Variants in ZCCHC7 observed in about 807,000 individuals in gnomAD.
ZCCHC7 encodes the protein zinc finger CCHC-type containing 7.
ZCCHC7 carries 35 observed loss-of-function variants against 52.0 expected under a neutral mutation model. That is an observed-to-expected ratio of 0.67 (90% CI 0.51 to 0.89). The LOEUF (loss-of-function observed/expected upper bound fraction) is 0.89, where lower values mean the gene tolerates loss of function less well. ZCCHC7 is among the 40% of genes least tolerant of loss of function. ZCCHC7 has a pLI of 0.00. For missense variants in ZCCHC7, 574 were observed against 649.1 expected, an observed-to-expected ratio of 0.88 and a Z score of 1.26; for synonymous variants, 217 against 221.5, an observed-to-expected ratio of 0.98 and a Z score of 0.18.
intron 2 of ZCCHC7, among the ~76,000 whole-genome samples, chr9:37,211,456 C>T (rs1824208890): frequency 6.6e-6 from 1 of 152,106 alleles, no homozygotes; most frequent in African/African-American, 2.4e-5. Context: ...TTTCTTCCAT[C>T]TTTATCATCA....
At chr9:37,333,161 A>T in intron 6 of ZCCHC7, among the ~76,000 whole-genome samples, 1 of 151,646 alleles carries the variant, frequency 6.6e-6, no homozygotes, top group African/African-American at 2.4e-5. Context: ...TTATGATGGT[A>T]ATCCTAATGT....
intron 2 of ZCCHC7, among the ~76,000 whole-genome samples, chr9:37,299,262 G>A (rs935641655): frequency 6.6e-6 from 1 of 152,170 alleles, no homozygotes; most frequent in Admixed American, 6.5e-5. Flanking sequence ...TCTTTAAGGC[G>A]AATTACCTTG....
At chr9:37,306,933 G>T (rs887879735) in intron 5 of ZCCHC7, among the ~76,000 whole-genome samples, 1 of 150,600 alleles carries the variant, frequency 6.6e-6, no homozygotes, top group African/African-American at 2.4e-5. Context: ...GATTACAGGC[G>T]CCCACCACCA....
intron 5 of ZCCHC7, among the ~76,000 whole-genome samples, chr9:37,318,378 T>C (rs1290690605): frequency 6.7e-6 from 1 of 150,268 alleles, no homozygotes; most frequent in African/African-American, 2.4e-5. Context: ...GGAGAATCGC[T>C]TGAAACTGGG....
chr9:37,226,311 C>T (rs772585844), intron 2 of ZCCHC7, among the ~76,000 whole-genome samples: 6 of 152,082 alleles, frequency 3.9e-5, no homozygotes, highest in Non-Finnish European at 8.8e-5. Flanking sequence ...AGAGTTATAT[C>T]ATGTTCATGG....
chr9:37,143,337 A>G (rs1380255528), intron 2 of ZCCHC7, among the ~76,000 whole-genome samples: 30 of 151,852 alleles, frequency 2.0e-4, no homozygotes. Context: ...TAAGCCAATG[A>G]TGGTAAAATT....
At chr9:37,286,438 A>G (rs1828209981) in intron 2 of ZCCHC7, among the ~76,000 whole-genome samples, 1 of 152,144 alleles carries the variant, frequency 6.6e-6, no homozygotes, top group East Asian at 1.9e-4. Flanking sequence ...AGGGTGGATC[A>G]CTTGAAATCA....
At chr9:37,193,834 C>G (rs968064636) in intron 2 of ZCCHC7, among the ~76,000 whole-genome samples, 1 of 152,180 alleles carries the variant, frequency 6.6e-6, no homozygotes. Context: ...ATTTCTTTCT[C>G]CCTCTTTCCT....
chr9:37,162,925 G>A (rs931076387), intron 2 of ZCCHC7, among the ~76,000 whole-genome samples: 6 of 151,966 alleles, frequency 3.9e-5, no homozygotes, highest in Non-Finnish European at 2.9e-5. Flanking sequence ...AATACAGGCC[G>A]GGTACTGTGG....
chr9:37,326,480 G>A (rs1028610476), intron 5 of ZCCHC7, among the ~76,000 whole-genome samples: 19 of 150,154 alleles, frequency 1.3e-4, no homozygotes, highest in African/African-American at 3.9e-4. Context: ...AGAAAGCTGT[G>A]TAGACTGCTT....
chr9:37,235,881 C>T (rs1203736089), intron 2 of ZCCHC7, among the ~76,000 whole-genome samples: 2 of 151,818 alleles, frequency 1.3e-5, no homozygotes, highest in Non-Finnish European at 2.9e-5. Flanking sequence ...AGCCACCGCA[C>T]CTGGCCCTTA....
At chr9:37,272,408 A>G (rs1478064990) in intron 2 of ZCCHC7, among the ~76,000 whole-genome samples, 1 of 151,748 alleles carries the variant, frequency 6.6e-6, no homozygotes, top group Non-Finnish European at 1.5e-5. Context: ...TAAAACGTGT[A>G]AGAAAAATTA....
Position 37,341,964 on chromosome 9 carries a change from G to C in ZCCHC7, c.988-7393G>C, listed in dbSNP as rs760339464. ...ATTACAGGCCATTGTAAAGTTTTTGGCTTTTTCTCTGAGATGAGAAGCTGT... is the reference window on the plus strand; with the variant it reads ...ATTACAGGCCATTGTAAAGTTTTTGCCTTTTTCTCTGAGATGAGAAGCTGT... On this transcript the variant is annotated intron_variant, in intron 6 of 8. Transcript: ENST00000336755. 1.4e-4 allele frequency among the ~76,000 whole-genome samples: 22 copies of C among 152,138 alleles called. No homozygotes were observed. The South Asian group carries it at 1.5e-3, about 10-fold the overall frequency.
intron 2 of ZCCHC7, among the ~76,000 whole-genome samples, chr9:37,246,051 A>C (rs934525171): frequency 5.9e-5 from 9 of 152,060 alleles, no homozygotes; most frequent in Admixed American, 2.0e-4. Flanking sequence ...TACAATTTAC[A>C]AGTCAGTTTG....
intron 2 of ZCCHC7, among the ~76,000 whole-genome samples, chr9:37,194,778 T>C (rs568194062): frequency 6.6e-6 from 1 of 152,246 alleles, no homozygotes; most frequent in East Asian, 1.9e-4. Context: ...AGAAGGAATT[T>C]AAGAGAAAAA....
At chr9:37,154,675 A>AC (rs1820714880) in intron 2 of ZCCHC7, among the ~76,000 whole-genome samples, 1 of 150,144 alleles carries the variant, frequency 6.7e-6, no homozygotes, top group African/African-American at 2.5e-5. Flanking sequence ...TTTTTTTTTA[A>AC]ATAGGGACGA....
At chr9:37,321,481 C>T (rs1011665860) in intron 5 of ZCCHC7, among the ~76,000 whole-genome samples, 4 of 152,008 alleles carry the variant, frequency 2.6e-5, no homozygotes, top group Admixed American at 6.6e-5. Context: ...ATTATCTTAC[C>T]AGGTTGGGTG....
At chr9:37,321,350 A>G (rs1830047560) in intron 5 of ZCCHC7, among the ~76,000 whole-genome samples, 1 of 151,694 alleles carries the variant, frequency 6.6e-6, no homozygotes, top group African/African-American at 2.4e-5. Context: ...ACTGGTCTCA[A>G]ACTCCTGGCC....
At chr9:37,120,685 C>T (rs1588326001) in intron 1 of ZCCHC7, 62 bp downstream of exon 1, 1 of 378,484 alleles carries the variant, frequency 2.6e-6, no homozygotes, top group Non-Finnish European at 4.7e-6. Context: ...TACCCTCCTT[C>T]TTGCCCGCCG....
Sources: gnomAD v4.1 joint callset for allele counts (sites outside exome capture counted in the v4.1 genomes callset) on GRCh38, gnomAD v4.1.1 for gene constraint, MANE v1.5 for transcripts, NCBI Gene and HGNC (gene_info 2026-07-23, HGNC 2026-07-21) for gene names.